NUP160: variants seen among roughly 807,000 people sequenced by gnomAD.
NUP160 encodes nucleoporin 160, also known as nuclear pore complex protein Nup160.
Under a neutral mutation model 196.9 loss-of-function variants are expected in NUP160, and 94 were observed. That is an observed-to-expected ratio of 0.48 (90% CI 0.40 to 0.57). NUP160 has a LOEUF of 0.57. Ranked by LOEUF, NUP160 falls within the 20% of genes least tolerant of loss-of-function variation. The pLI, the probability that NUP160 is intolerant of heterozygous loss-of-function variation, is 0.00. For missense variants in NUP160, 1,638 were observed against 1,748.3 expected, an observed-to-expected ratio of 0.94 and a Z score of 1.13; for synonymous variants, 605 against 619.7, an observed-to-expected ratio of 0.98 and a Z score of 0.35.
intron 17 of NUP160, 42 bp downstream of exon 17, chr11:47,812,022 C>A: frequency 6.2e-7 from 1 of 1,603,438 alleles, no homozygotes; most frequent in Non-Finnish European, 8.5e-7. Flanking sequence ...AGGCCTATAA[C>A]AGGTTTTAGA....
chr11:47,825,923 G>A (rs1035721131), intron 7 of NUP160, among the ~76,000 whole-genome samples: 1 of 151,940 alleles, frequency 6.6e-6, no homozygotes. Context: ...ACTGTAAATT[G>A]ATAAGAGTGA....
exon 7 of NUP160, chr11:47,835,701 T>G (rs3816605): frequency 6.2e-7 from 1 of 1,602,670 alleles, no homozygotes; most frequent in Non-Finnish European, 8.5e-7. Context: ...AGTCCCATGG[T>G]GGGGGAATAA....
At chr11:47,833,118 C>T (rs1255911439) in intron 7 of NUP160, among the ~76,000 whole-genome samples, 1 of 152,080 alleles carries the variant, frequency 6.6e-6, no homozygotes, top group Non-Finnish European at 1.5e-5. Context: ...GAATGGTATA[C>T]TTTAAATGGG....
At chr11:47,835,809 C>T (rs781403371) in exon 7 of NUP160, 8 of 1,573,172 alleles carry the variant, frequency 5.1e-6, no homozygotes, top group Non-Finnish European at 6.9e-6. Flanking sequence ...CACATTTGCT[C>T]CTGTCCAAGA....
chr11:47,780,326 T>G lies in NUP160; in HGVS notation c.4221+17A>C. The G allele has an allele frequency of 6.4e-7, 1 of 1,567,238 alleles. No homozygotes were observed. Among genetic ancestry groups the G allele is most frequent in the Non-Finnish European group, 8.8e-7 (1 of 1,137,624 alleles). ...GCAGGGGCTTACACAAGACGTCTCA[T>G]GAAAGGGCTGACTTACTGCGATGTT... On this transcript the variant is annotated intron_variant, in intron 35 of 35. Transcript: ENST00000378460.
intron 19 of NUP160, 120 bp from the exon 20 acceptor site, chr11:47,806,432 G>A (rs1408096636): frequency 2.8e-6 from 2 of 704,394 alleles, no homozygotes; most frequent in Non-Finnish European, 4.7e-6. Flanking sequence ...AACAGAAAAT[G>A]TATCACGGGT....
At chr11:47,789,271 T>A (rs2097666559) in intron 29 of NUP160, among the ~76,000 whole-genome samples, 1 of 152,146 alleles carries the variant, frequency 6.6e-6, no homozygotes, top group Non-Finnish European at 1.5e-5. Context: ...CCTCCCAAAA[T>A]GCTGGGATTA....
At chr11:47,807,200 C>A (rs2097678231) in intron 18 of NUP160, 60 bp from the exon 19 acceptor site, 1 of 1,038,956 alleles carries the variant, frequency 9.6e-7, no homozygotes, top group South Asian at 1.3e-5. Context: ...ATTACTTCTA[C>A]AAGCTCTTCT....
At chr11:47,807,458 G>A (rs1479508430) in intron 18 of NUP160, among the ~76,000 whole-genome samples, 1 of 152,092 alleles carries the variant, frequency 6.6e-6, no homozygotes, top group African/African-American at 2.4e-5. Context: ...CTGAGGTCAG[G>A]AGTTCAAGAC....
chr11:47,806,340 T>C, intron 19 of NUP160, 28 bp from the exon 20 acceptor site: 5 of 1,545,300 alleles, frequency 3.2e-6, no homozygotes, highest in Non-Finnish European at 4.4e-6. Context: ...ATGACAGTTT[T>C]GTGTAGTGGT....
intron 17 of NUP160, among the ~76,000 whole-genome samples, chr11:47,811,522 A>T (rs1165968366): frequency 6.6e-6 from 1 of 151,792 alleles, no homozygotes; most frequent in African/African-American, 2.4e-5. Context: ...AAAAAAAAAG[A>T]GTTTTCTTTT....
At chr11:47,798,630 C>T (rs935989721) in intron 23 of NUP160, among the ~76,000 whole-genome samples, 167 bp from the exon 24 acceptor site, 26 of 151,726 alleles carry the variant, frequency 1.7e-4, no homozygotes, top group African/African-American at 6.3e-4. Context: ...TCAAGGCCAG[C>T]CTGGGCAATA....
At chr11:47,835,886 C>A (rs1852163900) in intron 6 of NUP160, 77 bp from the exon 7 acceptor site, 6 of 1,170,876 alleles carry the variant, frequency 5.1e-6, no homozygotes. Context: ...AAAGGATGGA[C>A]CTTTCATTGT....
intron 7 of NUP160, among the ~76,000 whole-genome samples, chr11:47,832,110 C>T (rs1375798322): frequency 6.6e-6 from 1 of 151,754 alleles, no homozygotes; most frequent in East Asian, 2.0e-4. Context: ...CCATATTGGC[C>T]AGGAGGGTCT....
chr11:47,781,793 T>C (rs1158925359), intron 34 of NUP160, among the ~76,000 whole-genome samples: 1 of 152,170 alleles, frequency 6.6e-6, no homozygotes, highest in East Asian at 1.9e-4. Context: ...TTTGTTTATC[T>C]CTCTCCACTG....
At chr11:47,814,399 AG>A (rs981521916) in intron 13 of NUP160, among the ~76,000 whole-genome samples, 161 of 152,110 alleles carry the variant, frequency 1.1e-3, no homozygotes, top group African/African-American at 3.8e-3. Flanking sequence ...AAAACTAGCC[AG>A]GTGTGGTGGC....
chr11:47,792,273 A>C (rs2097668326), intron 28 of NUP160: 1 of 332,620 alleles, frequency 3.0e-6, no homozygotes, highest in Non-Finnish European at 5.4e-6. Flanking sequence ...TATATAACAG[A>C]AACAGCTGCA....
At chr11:47,798,729 C>T (rs1460775806) in intron 23 of NUP160, among the ~76,000 whole-genome samples, 3 of 151,972 alleles carry the variant, frequency 2.0e-5, no homozygotes, top group East Asian at 3.9e-4. Flanking sequence ...ACTTGGGAGG[C>T]TGAGGTGGAA....
chr11:47,796,895 G>A (rs2097671182), intron 27 of NUP160, among the ~76,000 whole-genome samples: 1 of 152,164 alleles, frequency 6.6e-6, no homozygotes, highest in African/African-American at 2.4e-5. Flanking sequence ...ATTTCACCAT[G>A]TCGGCCAGGC....
Sources: allele counts gnomAD v4.1 joint callset (sites outside exome capture counted in the v4.1 genomes callset), GRCh38; gene constraint gnomAD v4.1.1; transcripts MANE v1.5; gene names NCBI Gene and HGNC (gene_info 2026-07-23, HGNC 2026-07-21).